Variants in CHLSN observed in about 807,000 individuals in gnomAD.
CHLSN encodes protein cholesin.
At chr7:1,012,457 G>A in the CHLSN span, among the ~76,000 whole-genome samples, 4 of 152,268 alleles carry the variant, frequency 2.6e-5, no homozygotes, top group Non-Finnish European at 5.9e-5. Context: ...CTTCCTGAGC[G>A]CCCGGTGCAG....
At chr7:1,070,999 T>C in the CHLSN span, among the ~76,000 whole-genome samples, 2 of 144,580 alleles carry the variant, frequency 1.4e-5, no homozygotes, top group Admixed American at 6.8e-5. Flanking sequence ...CACACACACG[T>C]GCACACGCAC....
chr7:1,028,127 C>G, the CHLSN span: 5 of 388,672 alleles, frequency 1.3e-5, no homozygotes, highest in Non-Finnish European at 1.6e-5. Flanking sequence ...CGGAGCGGGG[C>G]CCGCAGCAGC....
the CHLSN span, among the ~76,000 whole-genome samples, chr7:1,073,312 CCCTCCTCA>C: frequency 1.3e-5 from 2 of 152,258 alleles, no homozygotes; most frequent in Admixed American, 6.5e-5. Flanking sequence ...ACACTGCCCT[CCCTCCTCA>C]CCTCCTCACC....
chr7:995,856 T>C, the CHLSN span, among the ~76,000 whole-genome samples: 1 of 152,182 alleles, frequency 6.6e-6, no homozygotes, highest in Non-Finnish European at 1.5e-5. Context: ...GTGGTCAGAA[T>C]TTTGGCCACA....
the CHLSN span, chr7:1,091,754 G>C: frequency 6.5e-7 from 1 of 1,540,596 alleles, no homozygotes; most frequent in Non-Finnish European, 8.8e-7. Context: ...CAAGCCCGGG[G>C]CGTGGGCCTG....
chr7:989,974 G>A, the CHLSN span, among the ~76,000 whole-genome samples: 9 of 115,992 alleles, frequency 7.8e-5, no homozygotes, highest in East Asian at 1.7e-3. Context: ...TGTGAGTGGC[G>A]CGTGTGCTGG....
chr7:1,012,972 T>C, the CHLSN span, among the ~76,000 whole-genome samples: 31 of 150,970 alleles, frequency 2.1e-4, no homozygotes, highest in African/African-American at 7.0e-4. Context: ...CCCGGGAGGG[T>C]GTGCAGCTGG....
At chr7:1,098,760 A>G in the CHLSN span, among the ~76,000 whole-genome samples, 2 of 152,048 alleles carry the variant, frequency 1.3e-5, no homozygotes, top group Non-Finnish European at 2.9e-5. Context: ...GCGTCCGCCA[A>G]TGTGAAACGT....
chr7:1,054,631 G>C, the CHLSN span, among the ~76,000 whole-genome samples: 50 of 152,312 alleles, frequency 3.3e-4, no homozygotes, highest in African/African-American at 1.2e-3. Flanking sequence ...TCACGGCGGG[G>C]CAGGCATTAG....
chr7:990,968 C>T, the CHLSN span, among the ~76,000 whole-genome samples: 1 of 152,078 alleles, frequency 6.6e-6, no homozygotes, highest in Non-Finnish European at 1.5e-5. Flanking sequence ...CCCAACCCTA[C>T]AGGGGACCCT....
the CHLSN span, chr7:1,058,748 C>A: frequency 1.8e-6 from 1 of 564,298 alleles, no homozygotes; most frequent in South Asian, 2.4e-5. Flanking sequence ...CTCCCAAACA[C>A]GCAGCTCAAG....
At chr7:1,133,978 T>G in the CHLSN span, among the ~76,000 whole-genome samples, 1 of 152,126 alleles carries the variant, frequency 6.6e-6, no homozygotes, top group Non-Finnish European at 1.5e-5. Context: ...CTAACTCTTG[T>G]ATTTTTTGTG....
chr7:1,123,401 A>G, the CHLSN span, among the ~76,000 whole-genome samples: 2 of 152,000 alleles, frequency 1.3e-5, no homozygotes, highest in African/African-American at 4.8e-5. This position sits in a 1 kb window ranked among gnomAD's most constrained non-coding sequence, Gnocchi z 4.4. Flanking sequence ...GGACAACACA[A>G]TGGCCCACGG....
the CHLSN span, chr7:1,021,255 G>A: frequency 8.6e-6 from 4 of 462,514 alleles, no homozygotes; most frequent in Non-Finnish European, 1.1e-5. Context: ...CCAGGCTGAG[G>A]ATCTCCCAGC....
chr7:1,127,883 A>ACAATCT, the CHLSN span, among the ~76,000 whole-genome samples: 2 of 22,058 alleles, frequency 9.1e-5, no homozygotes, highest in South Asian at 1.4e-3. Flanking sequence ...GTGCAGTGGC[A>ACAATCT]CGATCTCGGC....
At chr7:1,102,400 C>T in the CHLSN span, among the ~76,000 whole-genome samples, 2 of 152,188 alleles carry the variant, frequency 1.3e-5, no homozygotes, top group African/African-American at 2.4e-5. Flanking sequence ...GAAAAGTCGG[C>T]GTCTGCAGCC....
the CHLSN span, among the ~76,000 whole-genome samples, chr7:1,008,159 G>A: frequency 1.3e-5 from 2 of 152,196 alleles, no homozygotes; most frequent in East Asian, 1.9e-4. Context: ...GGCCCCAGTC[G>A]CCCTCTGCCT....
the CHLSN span, among the ~76,000 whole-genome samples, chr7:1,066,272 G>A: frequency 2.0e-5 from 3 of 151,804 alleles, no homozygotes; most frequent in Non-Finnish European, 2.9e-5. Context: ...ACGCAGCAAC[G>A]GTGCGGCCGT....
the CHLSN span, among the ~76,000 whole-genome samples, chr7:1,091,221 C>T: frequency 6.6e-6 from 1 of 152,190 alleles, no homozygotes; most frequent in African/African-American, 2.4e-5. Context: ...CATGTACTTC[C>T]CACAGGCGAC....
Sources: gnomAD v4.1 joint callset for allele counts (sites outside exome capture counted in the v4.1 genomes callset) on GRCh38, gnomAD v4.1.1 for gene constraint, Gnocchi (gnomAD v3.1) non-coding constraint, MANE v1.5 for transcripts, NCBI Gene and HGNC (gene_info 2026-07-23, HGNC 2026-07-21) for gene names.